The following RORA variants were observed in gnomAD, a reference collection of about 807,000 sequenced individuals.
The protein encoded by RORA is nuclear receptor ROR-alpha.
In RORA, 7 loss-of-function variants were observed where a neutral mutation model predicts 69.5. The ratio of observed to expected loss-of-function variants is 0.10; its 90% CI spans 0.06 to 0.19. RORA has a LOEUF of 0.19. RORA is among the 10% of genes least tolerant of loss of function. RORA has a pLI of 1.00. For missense variants in RORA, 457 were observed against 663.0 expected (o/e 0.69, Z 3.41); for synonymous variants, 261 against 240.8 (o/e 1.08, Z -0.78).
In RORA at chr15:60,490,154, G is replaced by GTA. The variant is rs1230124498; in HGVS notation, c.*7299_*7300dup. The GTA allele has an allele frequency of 1.5e-5, 2 of 135,970 alleles. No individual in the cohort carries two copies. Among genetic ancestry groups the GTA allele is most frequent in the African/African-American group, 2.8e-5 (1 of 36,358 alleles). 8.4% of individuals were successfully genotyped at this position (135,970 alleles called of 1,614,324 possible). A position where few individuals can be genotyped will look rare whatever the true frequency, so the allele number is the denominator to read the frequency against. ...TGATACAGCTGCCAGTTGGGCATAGGTAGATATATATATATATGTATATAT... is the reference window on the plus strand; with the variant it reads ...TGATACAGCTGCCAGTTGGGCATAGGTATAGATATATATATATATGTATATAT... On this transcript the variant is annotated 3_prime_UTR_variant, in exon 11 of 11. Transcript: ENST00000335670. The surrounding 1 kb of genome is among the most constrained non-coding windows in gnomAD (Gnocchi z 4.1).
At chr15:61,084,946 TC>T (rs1178268754) in intron 1 of RORA, among the ~76,000 whole-genome samples, 2 of 151,974 alleles carry the variant, frequency 1.3e-5, no homozygotes, top group African/African-American at 2.4e-5. Flanking sequence ...GGCTGAATTA[TC>T]CCCAAGTGAC....
chr15:61,040,746 T>G (rs1035387220), intron 1 of RORA, among the ~76,000 whole-genome samples: 1 of 152,182 alleles, frequency 6.6e-6, no homozygotes, highest in Admixed American at 6.5e-5. Context: ...ATGGATGGAT[T>G]ACAGACAAGT....
chr15:60,867,886 A>G (rs923848269), intron 1 of RORA, among the ~76,000 whole-genome samples: 4 of 152,068 alleles, frequency 2.6e-5, no homozygotes, highest in Non-Finnish European at 4.4e-5. Flanking sequence ...AAATAAATTG[A>G]TGCACTCTTT....
At chr15:61,078,895 C>A (rs1477142593) in intron 1 of RORA, among the ~76,000 whole-genome samples, 1 of 152,132 alleles carries the variant, frequency 6.6e-6, no homozygotes. Context: ...TTCTAATATA[C>A]TATTTCTAAA....
chr15:60,693,618 C>CA (rs2070861422), intron 1 of RORA, among the ~76,000 whole-genome samples: 2 of 152,122 alleles, frequency 1.3e-5, no homozygotes, highest in Admixed American at 1.3e-4. Flanking sequence ...AATCAATATG[C>CA]AAAAATCACA....
At chr15:60,978,791 A>G (rs1893947585) in intron 1 of RORA, among the ~76,000 whole-genome samples, 1 of 151,942 alleles carries the variant, frequency 6.6e-6, no homozygotes, top group African/African-American at 2.4e-5. Context: ...CTCCCATTTG[A>G]CACCCTTGTT....
intron 2 of RORA, among the ~76,000 whole-genome samples, chr15:60,670,930 C>T (rs776858478): frequency 1.3e-4 from 19 of 151,966 alleles, no homozygotes; most frequent in Non-Finnish European, 2.1e-4. Context: ...GTTTCTTCTA[C>T]GTTTTTATTC....
chr15:60,624,864 T>G (rs2069530226), intron 2 of RORA, among the ~76,000 whole-genome samples: 1 of 152,130 alleles, frequency 6.6e-6, no homozygotes, highest in African/African-American at 2.4e-5. Flanking sequence ...CTGTAAATAC[T>G]GAGCATTAGC....
chr15:60,909,442 C>T (rs1201140096), intron 1 of RORA, among the ~76,000 whole-genome samples: 1 of 152,180 alleles, frequency 6.6e-6, no homozygotes, highest in Non-Finnish European at 1.5e-5. Flanking sequence ...AACCCAAGAT[C>T]AAAACTTATT....
intron 1 of RORA, among the ~76,000 whole-genome samples, chr15:60,745,827 T>C (rs77663016): frequency 1.3e-5 from 2 of 152,182 alleles, no homozygotes; most frequent in Admixed American, 1.3e-4. Context: ...ATGCTGCTGA[T>C]TTGGAGATCT....
chr15:61,185,304 T>C (rs553094625), intron 1 of RORA, among the ~76,000 whole-genome samples: 35 of 151,898 alleles, frequency 2.3e-4, no homozygotes, highest in African/African-American at 8.2e-4. Flanking sequence ...GACCTGTTGA[T>C]CCCATCTTTT....
intron 1 of RORA, among the ~76,000 whole-genome samples, chr15:60,945,908 A>C (rs555870269): frequency 2.0e-5 from 3 of 152,172 alleles, no homozygotes; most frequent in African/African-American, 7.2e-5. Flanking sequence ...ACTTTTTCAC[A>C]CAGGTGATGA....
chr15:61,181,355 T>A (rs566998862), intron 1 of RORA: 2 of 152,194 alleles, frequency 1.3e-5, no homozygotes, highest in African/African-American at 4.8e-5. Flanking sequence ...TGGAAGAACA[T>A]TGAGCTCTTT....
intron 1 of RORA, among the ~76,000 whole-genome samples, chr15:61,012,905 C>A (rs1035935071): frequency 1.3e-5 from 2 of 152,186 alleles, no homozygotes; most frequent in Non-Finnish European, 2.9e-5. Context: ...CTGCCTTGGC[C>A]TCCCAAAATG....
chr15:61,006,521 G>C (rs1441363836), intron 1 of RORA, among the ~76,000 whole-genome samples: 1 of 152,084 alleles, frequency 6.6e-6, no homozygotes, highest in Non-Finnish European at 1.5e-5. Flanking sequence ...ATGTGCCCTG[G>C]GAAAGGTCAC....
chr15:61,202,611 T>C (rs2079905471), intron 1 of RORA, among the ~76,000 whole-genome samples: 1 of 152,082 alleles, frequency 6.6e-6, no homozygotes. Context: ...GATGAGATCT[T>C]GCAGCCTCGC....
chr15:61,214,570 T>C (rs975928653), intron 1 of RORA, among the ~76,000 whole-genome samples: 2 of 152,214 alleles, frequency 1.3e-5, no homozygotes. Context: ...GATGGTGGTG[T>C]TGGCAATGCC....
chr15:60,750,706 A>G (rs1002180736), intron 1 of RORA, among the ~76,000 whole-genome samples: 25 of 152,224 alleles, frequency 1.6e-4, no homozygotes, highest in African/African-American at 6.0e-4. Flanking sequence ...TGTGATCAGC[A>G]TGTAGAAAAC....
At chr15:60,875,305 C>G (rs2073601171) in intron 1 of RORA, among the ~76,000 whole-genome samples, 1 of 152,198 alleles carries the variant, frequency 6.6e-6, no homozygotes, top group South Asian at 2.1e-4. Context: ...AAGGACACAG[C>G]TTTGTCTGCA....
Sources: allele counts gnomAD v4.1 joint callset (sites outside exome capture counted in the v4.1 genomes callset), GRCh38; gene constraint gnomAD v4.1.1; non-coding constraint Gnocchi (gnomAD v3.1); transcripts MANE v1.5; gene names NCBI Gene and HGNC (gene_info 2026-07-23, HGNC 2026-07-21).